AGL: variants seen among roughly 807,000 people sequenced by gnomAD.
AGL encodes the protein amylo-alpha-1,6-glucosidase and 4-alpha-glucanotransferase.
In AGL, 128 loss-of-function variants were observed where a neutral mutation model predicts 199.3. The observed-to-expected ratio is 0.64, with a 90% confidence interval of 0.56 to 0.74. AGL has a LOEUF of 0.74. AGL is among the 30% of genes least tolerant of loss of function. The probability of loss-of-function intolerance (pLI) is 0.00; values close to 1 mark genes in which losing one functional copy is unlikely to be tolerated. For missense variants in AGL, 1,809 were observed against 1,820.8 expected (o/e 0.99, Z 0.12); for synonymous variants, 584 against 594.7 (o/e 0.98, Z 0.26).
chr1:99,915,163 A>T (rs1655019692), intron 30 of AGL, among the ~76,000 whole-genome samples: 1 of 152,174 alleles, frequency 6.6e-6, no homozygotes, highest in Non-Finnish European at 1.5e-5. Flanking sequence ...TCTTGAGGTG[A>T]CACAGAGAAA....
chr1:99,851,948 T>G (rs1002675758), intron 2 of AGL, among the ~76,000 whole-genome samples: 5 of 152,186 alleles, frequency 3.3e-5, no homozygotes, highest in Admixed American at 6.5e-5. Flanking sequence ...AATCCGCGCC[T>G]TTTTCCAACT....
Position 99,870,851 on chromosome 1 carries a change from A to T in AGL, c.940A>T (p.Arg314Ter). 1 of 1,598,382 alleles carries T rather than the reference A, an allele frequency of 6.3e-7. No homozygotes were observed. The highest frequency in any genetic ancestry group is 8.6e-7 in the Non-Finnish European group (1 of 1,165,998). Residue 314 changes from arginine to a stop codon, truncating the protein, a stop_gained, in exon 7 of 34, where the codon AGA becomes TGA. Coordinates refer to ENST00000361915, the MANE Select transcript of AGL (RefSeq NM_000642.3). LOFTEE classifies it high-confidence loss of function. Reference sequence around the variant, plus strand: ...TGTCAACAAAGCGGTTGAGCAATTTAGAAGACTTCTTACACAAGGTAAAGG... The same window carrying T: ...TGTCAACAAAGCGGTTGAGCAATTTTGAAGACTTCTTACACAAGGTAAAGG... ...VDVNKAVEQF[R>*]RLLTQENRRV... is the part of the protein sequence containing the mutation.
intron 5 of AGL, among the ~76,000 whole-genome samples, chr1:99,864,832 T>C (rs1196033494): frequency 6.6e-6 from 1 of 152,216 alleles, no homozygotes; most frequent in African/African-American, 2.4e-5. Context: ...TGCTTATAAA[T>C]ACAGGAGAGT....
intron 26 of AGL, 123 bp downstream of exon 26, chr1:99,900,984 G>C: frequency 2.1e-6 from 2 of 945,678 alleles, no homozygotes; most frequent in South Asian, 3.1e-5. Context: ...TCAAATGTCA[G>C]TATTGATTTG....
chr1:99,875,238 T>G lies in AGL; in HGVS notation c.1167T>G (p.Ile389Met). The G allele has an allele frequency of 6.2e-7, 1 of 1,613,996 alleles. No individual in the cohort carries two copies. Among genetic ancestry groups the G allele is most frequent in the Non-Finnish European group, 8.5e-7 (1 of 1,179,854 alleles). ...TAAATTCAGAGAAGCATCGACTCAT[T>G]AACTATCATCAGGAACAGGTTTTAC... Reference protein sequence around the residue: ...EELNSEKHRLINYHQEQAVNC... With the variant: ...EELNSEKHRLMNYHQEQAVNC... The change falls in exon 9 of 34, where the codon ATT (isoleucine) becomes ATG (methionine). Residue 389 changes from isoleucine to methionine, a missense_variant. Physicochemically the swap from Ile to Met is conservative, Grantham distance 10. Transcript: ENST00000361915.
At chr1:99,862,466 TG>T (rs1557747739) in intron 4 of AGL, 43 bp downstream of exon 4, 2 of 1,597,560 alleles carry the variant, frequency 1.3e-6, no homozygotes. Context: ...AAAAAATAAA[TG>T]TAATTATCCT....
At chr1:99,903,953 T>G (rs1654053458) in intron 27 of AGL, among the ~76,000 whole-genome samples, 1 of 151,990 alleles carries the variant, frequency 6.6e-6, no homozygotes, top group Admixed American at 6.6e-5. Flanking sequence ...TTTGATGGGG[T>G]TGTTTGTTTT....
chr1:99,899,609 CCTTCTTTCTTTCTTTT>C (rs1181478102), intron 25 of AGL, among the ~76,000 whole-genome samples: 1 of 119,602 alleles, frequency 8.4e-6, no homozygotes, highest in Non-Finnish European at 1.8e-5. Flanking sequence ...TTCTTTCTTT[CCTTCTTTCTTTCTTTT>C]CTTTCTTTTT....
intron 33 of AGL, among the ~76,000 whole-genome samples, chr1:99,920,605 T>A (rs1655449381): frequency 6.6e-6 from 1 of 152,228 alleles, no homozygotes; most frequent in Non-Finnish European, 1.5e-5. Flanking sequence ...GACAGTTTTT[T>A]AAATATGGTA....
At position 99,912,417 on chromosome 1, in the gene AGL, T is replaced by C. The variant is rs28730706; in HGVS notation, c.3849T>C (p.Ala1283=). ...GIPATPRDGS[A]VEIVGLSKSA... ...TTTTTAATTTTAGAGATGGGTCTGC[T>C]GTGGAAATTGTGGGCCTGAGTAAAT... Residue 1283 remains alanine (A), a synonymous_variant, in exon 29 of 34, where the codon GCT becomes GCC. Coordinates refer to ENST00000361915, the MANE Select transcript of AGL (RefSeq NM_000642.3). The C allele has an allele frequency of 0.013, 21,329 of 1,613,776 alleles. 194 individuals are homozygous for C. The highest frequency in any genetic ancestry group is 0.047 in the Middle Eastern group (282 of 6,058).
intron 24 of AGL, among the ~76,000 whole-genome samples, chr1:99,892,836 C>T (rs1653014449): frequency 8.8e-6 from 1 of 113,430 alleles, no homozygotes; most frequent in South Asian, 3.0e-4. Flanking sequence ...GCTGATTCTT[C>T]ATGTTTCTAT....
At chr1:99,854,623 G>A (rs1649260239) in intron 2 of AGL, among the ~76,000 whole-genome samples, 1 of 151,974 alleles carries the variant, frequency 6.6e-6, no homozygotes, top group Non-Finnish European at 1.5e-5. Flanking sequence ...AATTAGCCGG[G>A]CCTGGTGGCG....
At chr1:99,908,618 C>T (rs1654503659) in intron 27 of AGL, among the ~76,000 whole-genome samples, 1 of 152,146 alleles carries the variant, frequency 6.6e-6, no homozygotes, top group African/African-American at 2.4e-5. Context: ...ACATCTGAGT[C>T]ACCTCAGTGT....
At chr1:99,904,622 C>G (rs1316327106) in intron 27 of AGL, among the ~76,000 whole-genome samples, 2 of 152,070 alleles carry the variant, frequency 1.3e-5, no homozygotes, top group Non-Finnish European at 2.9e-5. Context: ...ACCACTCCAC[C>G]CCCAACCCTG....
At chr1:99,896,850 G>A (rs924522954) in intron 25 of AGL, among the ~76,000 whole-genome samples, 6 of 151,908 alleles carry the variant, frequency 3.9e-5, no homozygotes, top group South Asian at 2.1e-4. Context: ...TCGCACTGTC[G>A]TCCGGGCTGG....
At chr1:99,871,770 C>T (rs1231264582) in intron 7 of AGL, among the ~76,000 whole-genome samples, 2 of 152,076 alleles carry the variant, frequency 1.3e-5, no homozygotes, top group African/African-American at 4.8e-5. Flanking sequence ...TCCCTTCCCC[C>T]AATAACCTGT....
intron 13 of AGL, 97 bp from the exon 14 acceptor site, chr1:99,880,535 G>A (rs1651926244): frequency 1.5e-6 from 2 of 1,330,526 alleles, no homozygotes; most frequent in South Asian, 1.2e-5. Context: ...TAATATTGAT[G>A]TGGTCTTTAT....
At position 99,887,884 on chromosome 1, in the gene AGL, C is replaced by T. The variant is rs1652567703; in HGVS notation, c.2682-94C>T. On this transcript the variant is annotated intron_variant, in intron 20 of 33. Coordinates refer to ENST00000361915, the MANE Select transcript of AGL (RefSeq NM_000642.3). Reference sequence around the variant, plus strand: ...GTTCCTAAAACATACACTGCTAAGACATTTTATGATTGTAATTCAGATTTT... The same window carrying T: ...GTTCCTAAAACATACACTGCTAAGATATTTTATGATTGTAATTCAGATTTT... The T allele has an allele frequency of 4.2e-6, 6 of 1,411,924 alleles. No homozygotes were observed. In the East Asian group the frequency reaches 9.4e-5, roughly 22 times the overall value. 87.5% of individuals were successfully genotyped at this position (1,411,924 alleles called of 1,614,324 possible).
At chr1:99,888,474 A>T (rs1218162879) in intron 21 of AGL, among the ~76,000 whole-genome samples, 1 of 152,216 alleles carries the variant, frequency 6.6e-6, no homozygotes, top group East Asian at 1.9e-4. Flanking sequence ...TTGGACCTTG[A>T]TTAATGTTTC....
Sources: allele counts gnomAD v4.1 joint callset (sites outside exome capture counted in the v4.1 genomes callset), GRCh38; gene constraint gnomAD v4.1.1; transcripts MANE v1.5; gene names NCBI Gene and HGNC (gene_info 2026-07-23, HGNC 2026-07-21).